UTP23: variants seen among roughly 807,000 people sequenced by gnomAD.
UTP23 encodes the protein UTP23 small subunit processome component, also known as rRNA-processing protein UTP23 homolog.
A neutral mutation model predicts 19.8 loss-of-function variants in UTP23; 10 were observed. The observed-to-expected ratio is 0.50, with a 90% CI of 0.31 to 0.86. The LOEUF (loss-of-function observed/expected upper bound fraction) is 0.86, where lower values mean the gene tolerates loss of function less well. Ranked by LOEUF, UTP23 falls within the 40% of genes least tolerant of loss-of-function variation. The probability of loss-of-function intolerance (pLI) is 0.05; values close to 1 mark genes in which losing one functional copy is unlikely to be tolerated. For missense variants in UTP23, 282 were observed against 293.1 expected (o/e 0.96, Z 0.28); for synonymous variants, 108 against 105.4 (o/e 1.02, Z -0.15).
At position 116,774,475 on chromosome 8, in the gene UTP23, G is replaced by A; in HGVS notation, c.*2633G>A. On this transcript the variant is annotated 3_prime_UTR_variant, in exon 3 of 3. Transcript: ENST00000309822. ...GAGTCTTTAAAATGTTTTAAAAAAT[G>A]TTTGCTTACTATCTATATATATGAC... 4.2e-6 allele frequency: 4 copies of A among 948,728 alleles called. No individual in the cohort carries two copies. The highest frequency in any genetic ancestry group is 5.0e-6 in the Non-Finnish European group (4 of 796,962). 58.8% of individuals were successfully genotyped at this position (948,728 alleles called of 1,614,324 possible). A position where few individuals can be genotyped will look rare whatever the true frequency, so the allele number is the denominator to read the frequency against.
Position 116,774,178 on chromosome 8 carries a change from T to C in UTP23, c.*2336T>C, listed in dbSNP as rs763793402. On this transcript the variant is annotated 3_prime_UTR_variant, in exon 3 of 3. Transcript: ENST00000309822. Reference sequence around the variant, plus strand: ...TTGCCAATCTGAAAAGGGGTGTTTCTGAAGACCACTATCTTTTACGAACAC... The same window carrying C: ...TTGCCAATCTGAAAAGGGGTGTTTCCGAAGACCACTATCTTTTACGAACAC... The C allele has an allele frequency of 1.5e-5, 15 of 985,326 alleles. No homozygotes were observed. Among genetic ancestry groups the C allele is most frequent in the African/African-American group, 8.7e-5 (5 of 57,240 alleles). 61.0% of individuals were successfully genotyped at this position (985,326 alleles called of 1,614,324 possible).
rs1435867742 is a variant in UTP23 at position 116,766,543 on chromosome 8, C to A, written c.-61C>A. ...GAAACTGGCATTGAGGGTACTGGGG[C>A]GTGCGTGAGGCGTTTACTGATGCTT... On this transcript the variant is annotated 5_prime_UTR_variant, in exon 1 of 3. Coordinates refer to ENST00000309822, the MANE Select transcript of UTP23 (RefSeq NM_032334.3). 4 of 1,549,600 alleles carry A rather than the reference C, an allele frequency of 2.6e-6. No individual in the cohort carries two copies. Among genetic ancestry groups the A allele is most frequent in the East Asian group, 4.5e-5 (2 of 44,236 alleles).
intron 2 of UTP23, 189 bp downstream of exon 2, chr8:116,770,555 C>A: frequency 3.9e-6 from 2 of 513,510 alleles, no homozygotes; most frequent in South Asian, 4.7e-5. Flanking sequence ...TGTTGATATT[C>A]TTTTTAGTAG....
intron 1 of UTP23, among the ~76,000 whole-genome samples, chr8:116,768,839 A>AT (rs1233190474): frequency 1.3e-5 from 2 of 152,052 alleles, no homozygotes; most frequent in African/African-American, 4.8e-5. Context: ...TAATTTTTGT[A>AT]TTTTTTAGCA....
In UTP23 at chr8:116,771,705, CT is replaced by C. The variant is rs753995332; in HGVS notation, c.615del (p.Ser206ValfsTer3). 6.2e-7 allele frequency: 1 copy of C among 1,612,770 alleles called. No individual in the cohort carries two copies. Among genetic ancestry groups the C allele is most frequent in the Non-Finnish European group, 8.5e-7 (1 of 1,179,856 alleles). ...CAAGAAAATAAGTGGTCCCAATCCT[CT>C]TAGTTGTTTGAAGAAAAAGAAAAAG... Reference protein sequence around the residue: ...KRKKISGPNPLSCLKKKKKAP... With the variant: ...KRKKISGPNPXSCLKKKKKAP... On this transcript the variant is annotated frameshift_variant, in exon 3 of 3. Transcript: ENST00000309822. LOFTEE classifies it high-confidence loss of function.
chr8:116,771,478 T>C lies in UTP23; in HGVS notation c.386T>C (p.Val129Ala). ...TAGGATCAGAATTTGTCTGTGAAAG[T>C]AAAAAAGAAGCCTGGAGTTCCTCTC... The part of the protein sequence containing the change: ...ATQDQNLSVK[V>A]KKKPGVPLMF... The change falls in exon 3 of 3, where the codon GTA (valine) becomes GCA (alanine). Residue 129 changes from valine (V) to alanine (A), a missense_variant. Val to Ala is a moderately conservative substitution (Grantham distance 64). Transcript: ENST00000309822. The C allele has an allele frequency of 6.7e-7, 1 of 1,497,592 alleles. No homozygotes were observed. The highest frequency in any genetic ancestry group is 1.4e-5 in the South Asian group (1 of 69,522). 92.8% of individuals were successfully genotyped at this position (1,497,592 alleles called of 1,614,324 possible). A position where few individuals can be genotyped will look rare whatever the true frequency, so the allele number is the denominator to read the frequency against.
chr8:116,773,913 C>G lies in UTP23; in HGVS notation c.*2071C>G. ...AGATATTTTAACAAAAGTCTCATATCCTTGTACTTCAGTTTTTTTGTGTGT... is the reference window on the plus strand; with the variant it reads ...AGATATTTTAACAAAAGTCTCATATGCTTGTACTTCAGTTTTTTTGTGTGT... On this transcript the variant is annotated 3_prime_UTR_variant, in exon 3 of 3. Transcript: ENST00000309822. 2 of 978,020 alleles carry G rather than the reference C, an allele frequency of 2.0e-6. No individual in the cohort carries two copies. The highest frequency in any genetic ancestry group is 2.4e-6 in the Non-Finnish European group (2 of 823,322). 60.6% of individuals were successfully genotyped at this position (978,020 alleles called of 1,614,324 possible). A position where few individuals can be genotyped will look rare whatever the true frequency, so the allele number is the denominator to read the frequency against.
chr8:116,771,574 T>C lies in UTP23; in HGVS notation c.482T>C (p.Val161Ala), dbSNP rs749535864. ...AAAACAATTGCCTTTGTAAAAGCAG[T>C]GGAGTCAGGTCAGCTTGTCTCAGTG... ...SPKTIAFVKAVESGQLVSVHE... is the reference protein window; with the variant it reads ...SPKTIAFVKAAESGQLVSVHE... Residue 161 changes from valine to alanine, a missense_variant, in exon 3 of 3, where the codon GTG (valine) becomes GCG (alanine). Physicochemically the swap from Val to Ala is moderately conservative, Grantham distance 64. Transcript: ENST00000309822. The C allele has an allele frequency of 2.5e-6, 4 of 1,613,058 alleles. No homozygotes were observed. Among genetic ancestry groups the C allele is most frequent in the Non-Finnish European group, 3.4e-6 (4 of 1,179,784 alleles).
rs1815634594 is a variant in UTP23, at chr8:116,770,294, A to G, written c.291A>G (p.Ala97=). 1 of 1,614,138 alleles carries G rather than the reference A, an allele frequency of 6.2e-7. No individual in the cohort carries two copies. The highest frequency in any genetic ancestry group is 1.1e-5 in the South Asian group (1 of 91,084). Residue 97 remains alanine, a synonymous_variant, in exon 2 of 3, where the codon GCA becomes GCG. Coordinates refer to ENST00000309822, the MANE Select transcript of UTP23 (RefSeq NM_032334.3). ...GAAATTGTCCTCATTTCAAGAATGC[A>G]GTGAGTGGATCAGAATGTCTGCTTT... The part of the protein sequence containing the change: ...QVRNCPHFKN[A]VSGSECLLSM...
Position 116,769,181 on chromosome 8 carries a change from A to C in UTP23, c.189-1011A>C, listed in dbSNP as rs555442539. ...AGGCCTGGGTTTTATTTTAGAAAAG[A>C]TAACTGCAGTGATGTGAAGGGTAAA... On this transcript the variant is annotated intron_variant, in intron 1 of 2. Coordinates refer to ENST00000309822, the MANE Select transcript of UTP23 (RefSeq NM_032334.3). 9.4e-4 allele frequency among the ~76,000 whole-genome samples: 143 copies of C among 152,334 alleles called. 1 individual carries two copies. Among genetic ancestry groups the C allele is most frequent in the Non-Finnish European group, 1.8e-3 (120 of 68,042 alleles).
rs551322459 is a variant in UTP23, at chr8:116,774,002, A to T, written c.*2160A>T. Reference sequence around the variant, plus strand: ...ATTATTTGCTTTATTTTTTCATACAACTTGGGGAAGGGAACCATGGGAGTA... The same window carrying T: ...ATTATTTGCTTTATTTTTTCATACATCTTGGGGAAGGGAACCATGGGAGTA... On this transcript the variant is annotated 3_prime_UTR_variant, in exon 3 of 3. Transcript: ENST00000309822. 1.0e-6 allele frequency: 1 copy of T among 985,360 alleles called. No homozygotes were observed. Among genetic ancestry groups the T allele is most frequent in the South Asian group, 4.7e-5 (1 of 21,284 alleles). 61.0% of individuals were successfully genotyped at this position (985,360 alleles called of 1,614,324 possible). A position where few individuals can be genotyped will look rare whatever the true frequency, so the allele number is the denominator to read the frequency against.
At position 116,772,621 on chromosome 8, in the gene UTP23, T is replaced by C; in HGVS notation, c.*779T>C. On this transcript the variant is annotated 3_prime_UTR_variant, in exon 3 of 3. Coordinates refer to ENST00000309822, the MANE Select transcript of UTP23 (RefSeq NM_032334.3). ...TGACTAGAGTTTTTTTGTTTGTTTGTTTGAGTTCTACTTGTCCAATAAGGA... is the reference window on the plus strand; with the variant it reads ...TGACTAGAGTTTTTTTGTTTGTTTGCTTGAGTTCTACTTGTCCAATAAGGA... The C allele has an allele frequency of 1.0e-6, 1 of 984,862 alleles. No homozygotes were observed. The highest frequency in any genetic ancestry group is 1.1e-4 in the East Asian group (1 of 8,822). The allele number at this position is 984,862 out of a possible 1,614,324, so 61.0% of individuals were successfully genotyped here.
intron 2 of UTP23, 188 bp downstream of exon 2, chr8:116,770,554 T>G (rs1815639076): frequency 1.8e-6 from 1 of 541,264 alleles, no homozygotes; most frequent in South Asian, 4.2e-5. Flanking sequence ...ATGTTGATAT[T>G]CTTTTTAGTA....
At chr8:116,767,958 CT>C (rs1160092232) in intron 1 of UTP23, among the ~76,000 whole-genome samples, 1 of 152,132 alleles carries the variant, frequency 6.6e-6, no homozygotes, top group Non-Finnish European at 1.5e-5. Flanking sequence ...GTGGCTCACA[CT>C]TGTAATCCTA....
At chr8:116,767,040 C>A in intron 1 of UTP23, 1 of 412,690 alleles carries the variant, frequency 2.4e-6, no homozygotes, top group Non-Finnish European at 4.3e-6. Flanking sequence ...CAGAGAGATC[C>A]GACTTCGAAT....
chr8:116,766,632 A>G lies in UTP23; in HGVS notation c.29A>G (p.Lys10Arg), dbSNP rs143309476. Residue 10 changes from lysine (K) to arginine (R), a missense_variant, in exon 1 of 3, where the codon AAG (lysine) becomes AGG (arginine). Transcript: ENST00000309822. Reference sequence around the variant, plus strand: ...AAGATCACAAGGCAGAAACATGCCAAGAAGCATCTTGGCTTCTTCCGCAAC... The same window carrying G: ...AAGATCACAAGGCAGAAACATGCCAGGAAGCATCTTGGCTTCTTCCGCAAC... MKITRQKHA[K>R]KHLGFFRNNF... is the part of the protein sequence containing the mutation. The G allele has an allele frequency of 5.0e-6, 8 of 1,613,666 alleles. No homozygotes were observed. The African/African-American group carries it at 1.1e-4, about 22-fold the overall frequency.
In UTP23 at chr8:116,773,147, G is replaced by T; in HGVS notation, c.*1305G>T. On this transcript the variant is annotated 3_prime_UTR_variant, in exon 3 of 3. Transcript: ENST00000309822. ...ACGTAGACTAATCTGGCAAGCCAAG[G>T]TAGTGTTTGGATTGCAATGTCATGA... The T allele has an allele frequency of 1.0e-6, 1 of 985,402 alleles. No homozygotes were observed. The highest frequency in any genetic ancestry group is 1.2e-6 in the Non-Finnish European group (1 of 829,926). 61.0% of individuals were successfully genotyped at this position (985,402 alleles called of 1,614,324 possible).
In UTP23 at chr8:116,774,539, A is replaced by ATG; in HGVS notation, c.*2699_*2700dup. 2 of 664,112 alleles carry ATG rather than the reference A, an allele frequency of 3.0e-6. No individual in the cohort carries two copies. Among genetic ancestry groups the ATG allele is most frequent in the Non-Finnish European group, 3.7e-6 (2 of 537,356 alleles). 41.1% of individuals were successfully genotyped at this position (664,112 alleles called of 1,614,324 possible). A position where few individuals can be genotyped will look rare whatever the true frequency, so the allele number is the denominator to read the frequency against. Reference sequence around the variant, plus strand: ...AGTTTTATATCTCCAAGATATATATATGTATATAGGTATATACACATATGT... The same window carrying ATG: ...AGTTTTATATCTCCAAGATATATATATGTGTATATAGGTATATACACATATGT... On this transcript the variant is annotated 3_prime_UTR_variant, in exon 3 of 3. Transcript: ENST00000309822.
chr8:116,770,465 T>C, intron 2 of UTP23, 99 bp downstream of exon 2: 2 of 1,191,822 alleles, frequency 1.7e-6, no homozygotes, highest in Non-Finnish European at 2.3e-6. Context: ...TGATTAGACT[T>C]TTAAAAATAC....
Sources: allele counts gnomAD v4.1 joint callset (sites outside exome capture counted in the v4.1 genomes callset), GRCh38; gene constraint gnomAD v4.1.1; transcripts MANE v1.5; gene names NCBI Gene and HGNC (gene_info 2026-07-23, HGNC 2026-07-21).